EHBP1: variants seen among roughly 807,000 people sequenced by gnomAD.
EHBP1 encodes the protein EH domain-binding protein 1.
A neutral mutation model predicts 144.0 loss-of-function variants in EHBP1; 55 were observed. That is an observed-to-expected ratio of 0.38 (90% CI 0.31 to 0.48). The LOEUF (loss-of-function observed/expected upper bound fraction) is 0.48, where lower values mean the gene tolerates loss of function less well. Ranked by LOEUF, EHBP1 falls within the 20% of genes least tolerant of loss-of-function variation. EHBP1 has a pLI of 0.98. For synonymous variants in EHBP1, 469 were observed against 472.7 expected, an observed-to-expected ratio of 0.99 and a Z score of 0.10; for missense variants, 1,200 against 1,364.2, an observed-to-expected ratio of 0.88 and a Z score of 1.90.
At chr2:62,953,217 CAAAAAAAA>C (rs35848429) in intron 13 of EHBP1, among the ~76,000 whole-genome samples, 22 of 64,494 alleles carry the variant, frequency 3.4e-4, no homozygotes, top group East Asian at 2.5e-3. Flanking sequence ...AAGTCCGTCT[CAAAAAAAA>C]AAAAAAAAAA....
intron 7 of EHBP1, among the ~76,000 whole-genome samples, chr2:62,851,402 A>G (rs2048684611): frequency 6.6e-6 from 1 of 152,064 alleles, no homozygotes. Context: ...CTTTTATTTT[A>G]ATAATCATAA....
In EHBP1 at chr2:62,996,771, G is replaced by A. The variant is rs371863141; in HGVS notation, c.3103+5G>A. The A allele has an allele frequency of 2.0e-5, 33 of 1,610,988 alleles. No individual in the cohort carries two copies. In the African/African-American group the frequency reaches 2.4e-4, roughly 12 times the overall value. On this transcript the variant is annotated splice_donor_5th_base_variant and intron_variant, in intron 19 of 22. Transcript: ENST00000431489. ...TTCGCTATCTCATGGACACAGGTAC[G>A]GTGCCCAATTACACTGTAAACAGTT...
intron 7 of EHBP1, among the ~76,000 whole-genome samples, chr2:62,841,545 G>T (rs969606433): frequency 2.0e-5 from 3 of 152,096 alleles, no homozygotes; most frequent in Non-Finnish European, 4.4e-5. Context: ...TGTAGAATGA[G>T]AGATGCAGTA....
intron 3 of EHBP1, among the ~76,000 whole-genome samples, chr2:62,763,088 T>C (rs1453701350): frequency 6.6e-6 from 1 of 152,136 alleles, no homozygotes; most frequent in Admixed American, 6.6e-5. Context: ...CCTCTTTTCA[T>C]GCATTTACAT....
At chr2:62,913,238 A>T (rs1045817462) in intron 10 of EHBP1, among the ~76,000 whole-genome samples, 8 of 152,228 alleles carry the variant, frequency 5.3e-5, no homozygotes, top group East Asian at 1.9e-4. Flanking sequence ...TAAGACAAAT[A>T]ACCAAATAAT....
chr2:62,926,998 C>T (rs1370103424), intron 10 of EHBP1, among the ~76,000 whole-genome samples: 1 of 152,054 alleles, frequency 6.6e-6, no homozygotes, highest in Non-Finnish European at 1.5e-5. Flanking sequence ...TCATGGAATA[C>T]TATTTAGCTA....
intron 2 of EHBP1, among the ~76,000 whole-genome samples, chr2:62,730,470 G>A (rs868311264): frequency 1.6e-4 from 25 of 152,202 alleles, no homozygotes; most frequent in Middle Eastern, 3.4e-3. Context: ...CATGTCTTGT[G>A]GCTTGATAGC....
At chr2:62,898,891 T>C (rs2053167970) in intron 10 of EHBP1, among the ~76,000 whole-genome samples, 1 of 152,170 alleles carries the variant, frequency 6.6e-6, no homozygotes, top group Non-Finnish European at 1.5e-5. Context: ...AATTTGGTTT[T>C]AGATAGACTA....
At chr2:62,710,337 ATG>A (rs1332288138) in intron 2 of EHBP1, among the ~76,000 whole-genome samples, 1 of 151,940 alleles carries the variant, frequency 6.6e-6, no homozygotes, top group Non-Finnish European at 1.5e-5. Flanking sequence ...TATATTTTGT[ATG>A]TATATATATG....
intron 5 of EHBP1, among the ~76,000 whole-genome samples, chr2:62,801,192 A>G (rs1286935919): frequency 6.6e-6 from 1 of 152,162 alleles, no homozygotes; most frequent in Non-Finnish European, 1.5e-5. Flanking sequence ...AATAAACCTC[A>G]CTTCTGATAT....
chr2:63,032,371 A>G (rs550487359), intron 19 of EHBP1, among the ~76,000 whole-genome samples: 1 of 151,950 alleles, frequency 6.6e-6, no homozygotes, highest in South Asian at 2.1e-4. Flanking sequence ...AATCAAGACC[A>G]TCCTGGCTAA....
chr2:62,700,169 T>TA (rs540027288), intron 1 of EHBP1, among the ~76,000 whole-genome samples: 2,663 of 147,080 alleles, frequency 0.018, 35 homozygotes, highest in Non-Finnish European at 0.026. Context: ...AATGATAGAG[T>TA]AAAAAAAAAA....
chr2:62,931,321 G>A (rs2055970066), intron 10 of EHBP1, among the ~76,000 whole-genome samples: 1 of 152,130 alleles, frequency 6.6e-6, no homozygotes, highest in Non-Finnish European at 1.5e-5. Context: ...ACCATAATGA[G>A]ATACCATCTC....
intron 5 of EHBP1, among the ~76,000 whole-genome samples, chr2:62,778,607 G>A (rs964379529): frequency 5.3e-5 from 8 of 151,564 alleles, no homozygotes; most frequent in African/African-American, 1.9e-4. Context: ...TCTTTTGTTG[G>A]ATTATGTTGA....
upstream of EHBP1, among the ~76,000 whole-genome samples, chr2:62,704,743 A>G (rs984255443): frequency 1.2e-4 from 18 of 152,196 alleles, no homozygotes; most frequent in Non-Finnish European, 1.5e-4. Flanking sequence ...TGAACCACCT[A>G]AAACTGAAAA....
intron 19 of EHBP1, among the ~76,000 whole-genome samples, chr2:63,030,945 G>A (rs1309206784): frequency 1.3e-5 from 2 of 150,550 alleles, no homozygotes; most frequent in East Asian, 2.0e-4. Flanking sequence ...ACAGGCATGC[G>A]CCACCACACC....
At chr2:63,019,712 A>G (rs1346988797) in intron 19 of EHBP1, among the ~76,000 whole-genome samples, 1 of 149,338 alleles carries the variant, frequency 6.7e-6, no homozygotes, top group Non-Finnish European at 1.5e-5. Context: ...ATCTCAAAAA[A>G]AGAAAAAGAA....
Position 62,963,191 on chromosome 2 carries a change from G to A in EHBP1, c.2460+7531G>A, listed in dbSNP as rs187270391. Reference sequence around the variant, plus strand: ...TTGGAAGTGAATCCAAATGGCTTAAGAGAACTAAGAGAATGCAAGTTGCTC... The same window carrying A: ...TTGGAAGTGAATCCAAATGGCTTAAAAGAACTAAGAGAATGCAAGTTGCTC... On this transcript the variant is annotated intron_variant, in intron 14 of 22. Coordinates refer to ENST00000431489, the MANE Select transcript of EHBP1 (RefSeq NM_001142616.3). Among the ~76,000 whole-genome samples the A allele has an allele frequency of 5.9e-5, 9 of 152,320 alleles. No individual in the cohort carries two copies. The East Asian group carries it at 1.7e-3, about 29-fold the overall frequency.
intron 21 of EHBP1, chr2:63,043,920 CTT>C (rs70962802): frequency 1.1e-4 from 1 of 9,404 alleles, no homozygotes; most frequent in Non-Finnish European, 2.0e-4. Flanking sequence ...GGCCATGGTT[CTT>C]TTTTTTTTTT....
Sources: allele counts gnomAD v4.1 joint callset (sites outside exome capture counted in the v4.1 genomes callset), GRCh38; gene constraint gnomAD v4.1.1; transcripts MANE v1.5; gene names NCBI Gene and HGNC (gene_info 2026-07-23, HGNC 2026-07-21).